The following LRP1B variants were observed in gnomAD, a reference collection of about 807,000 sequenced individuals.
The protein encoded by LRP1B is LDL receptor related protein 1B.
In LRP1B, 217 loss-of-function variants were observed where a neutral mutation model predicts 556.6. The observed-to-expected ratio is 0.39, with a 90% CI of 0.35 to 0.44. The LOEUF (loss-of-function observed/expected upper bound fraction) is 0.44, where lower values mean the gene tolerates loss of function less well. Ranked by LOEUF, LRP1B falls within the 20% of genes least tolerant of loss-of-function variation. LRP1B has a pLI of 1.00. For missense variants in LRP1B, 5,053 were observed against 5,620.8 expected (o/e 0.90, Z 3.23); for synonymous variants, 2,047 against 1,865.8 (o/e 1.10, Z -2.50).
chr2:141,027,952 T>A (rs181670938), intron 11 of LRP1B, among the ~76,000 whole-genome samples: 1 of 152,220 alleles, frequency 6.6e-6, no homozygotes, highest in Admixed American at 6.5e-5. Flanking sequence ...CTCAGACTTC[T>A]ATGCTCCAGA....
At chr2:141,694,990 C>G (rs552219436) in intron 2 of LRP1B, among the ~76,000 whole-genome samples, 1 of 151,994 alleles carries the variant, frequency 6.6e-6, no homozygotes, top group African/African-American at 2.4e-5. Flanking sequence ...TAACATTCCT[C>G]TAAGTTCTCC....
intron 17 of LRP1B, among the ~76,000 whole-genome samples, chr2:140,988,072 G>C (rs1413305681): frequency 1.3e-5 from 2 of 152,090 alleles, no homozygotes; most frequent in African/African-American, 4.8e-5. Context: ...AAGTTGAACT[G>C]ACCATACCTA....
At chr2:140,592,701 A>G (rs1270948921) in intron 43 of LRP1B, among the ~76,000 whole-genome samples, 1 of 152,186 alleles carries the variant, frequency 6.6e-6, no homozygotes, top group Non-Finnish European at 1.5e-5. Flanking sequence ...ATAGATGATA[A>G]GTTGATGCCT....
intron 2 of LRP1B, among the ~76,000 whole-genome samples, chr2:141,584,870 G>C (rs1447075875): frequency 6.6e-6 from 1 of 152,158 alleles, no homozygotes; most frequent in African/African-American, 2.4e-5. Context: ...ACAGTAGAAT[G>C]GTGGTTGCCA....
intron 11 of LRP1B, among the ~76,000 whole-genome samples, chr2:141,048,239 T>C (rs1382554875): frequency 1.3e-5 from 2 of 152,116 alleles, no homozygotes; most frequent in South Asian, 2.1e-4. Context: ...AGGTCCAGAA[T>C]CATTAGTTAA....
chr2:141,413,438 G>T (rs1690931608), intron 3 of LRP1B, among the ~76,000 whole-genome samples: 1 of 152,080 alleles, frequency 6.6e-6, no homozygotes, highest in South Asian at 2.1e-4. Context: ...GCCTCTAGAA[G>T]CTGAAAAAGG....
At chr2:141,519,670 C>T (rs181313152) in intron 2 of LRP1B, among the ~76,000 whole-genome samples, 4 of 151,574 alleles carry the variant, frequency 2.6e-5, no homozygotes, top group African/African-American at 9.7e-5. Flanking sequence ...TCTTGAAAGC[C>T]AATGGCAAAT....
At chr2:140,735,283 C>T (rs957788445) in intron 35 of LRP1B, among the ~76,000 whole-genome samples, 30 of 152,060 alleles carry the variant, frequency 2.0e-4, no homozygotes, top group African/African-American at 7.0e-4. Context: ...GGAAACAATG[C>T]CTATAAAGAC....
chr2:140,774,955 G>A (rs867986537), intron 33 of LRP1B, among the ~76,000 whole-genome samples: 4 of 152,006 alleles, frequency 2.6e-5, no homozygotes, highest in Admixed American at 1.3e-4. Flanking sequence ...ATTCTCTTGG[G>A]TGCACATACG....
At chr2:141,717,457 G>T (rs554610991) in intron 2 of LRP1B, among the ~76,000 whole-genome samples, 35 of 152,144 alleles carry the variant, frequency 2.3e-4, no homozygotes, top group Admixed American at 4.6e-4. Flanking sequence ...CAAATATCAG[G>T]TGCCACACTT....
At chr2:141,155,486 AT>A (rs912750729) in intron 7 of LRP1B, among the ~76,000 whole-genome samples, 52 of 137,556 alleles carry the variant, frequency 3.8e-4, no homozygotes, top group African/African-American at 1.2e-3. Flanking sequence ...TTTTATTATT[AT>A]TTTTTTTTAT....
chr2:140,806,763 C>G (rs181483409), intron 32 of LRP1B, among the ~76,000 whole-genome samples: 2 of 152,316 alleles, frequency 1.3e-5, no homozygotes, highest in Admixed American at 1.3e-4. Flanking sequence ...TTTACACCAG[C>G]TCTTTCATGC....
intron 3 of LRP1B, among the ~76,000 whole-genome samples, chr2:141,404,506 G>A (rs926547377): frequency 1.3e-5 from 2 of 152,146 alleles, no homozygotes; most frequent in Non-Finnish European, 2.9e-5. Flanking sequence ...TAGCTTTGGA[G>A]TGGTGTTTTA....
chr2:140,898,707 C>A, intron 23 of LRP1B: 1 of 497,538 alleles, frequency 2.0e-6, no homozygotes, highest in South Asian at 1.5e-5. Flanking sequence ...AAATGGCAGT[C>A]ACCTGAGAGA....
chr2:140,553,107 T>C (rs1680605154), intron 43 of LRP1B, among the ~76,000 whole-genome samples: 1 of 152,088 alleles, frequency 6.6e-6, no homozygotes, highest in Admixed American at 6.6e-5. Flanking sequence ...CCCCAACTGA[T>C]TGCCTCATTG....
chr2:141,153,478 A>C (rs1424608981), intron 7 of LRP1B, among the ~76,000 whole-genome samples: 1 of 126,294 alleles, frequency 7.9e-6, no homozygotes, highest in Admixed American at 9.8e-5. Flanking sequence ...TAAATAATAT[A>C]TATATTAGCT....
chr2:140,988,455 T>C (rs1696993124), intron 17 of LRP1B, among the ~76,000 whole-genome samples: 1 of 152,146 alleles, frequency 6.6e-6, no homozygotes, highest in Admixed American at 6.6e-5. Flanking sequence ...ATAGAAGACA[T>C]AGACTAGGAC....
intron 1 of LRP1B, among the ~76,000 whole-genome samples, chr2:141,956,865 T>A (rs1461350916): frequency 6.6e-6 from 1 of 152,078 alleles, no homozygotes; most frequent in African/African-American, 2.4e-5. Context: ...AAAAGCAGAA[T>A]TCTATTTAGA....
intron 11 of LRP1B, among the ~76,000 whole-genome samples, chr2:141,038,621 G>C (rs1574007865): frequency 1.3e-5 from 2 of 152,132 alleles, no homozygotes; most frequent in Middle Eastern, 6.8e-3. Flanking sequence ...TATGGATATT[G>C]TTCAGTCTCA....
Sources: gnomAD v4.1 joint callset for allele counts (sites outside exome capture counted in the v4.1 genomes callset) on GRCh38, gnomAD v4.1.1 for gene constraint, MANE v1.5 for transcripts, NCBI Gene and HGNC (gene_info 2026-07-23, HGNC 2026-07-21) for gene names.